FAM13A: variants seen among roughly 807,000 people sequenced by gnomAD.
The protein encoded by FAM13A is family with sequence similarity 13 member A.
Under a neutral mutation model 129.6 loss-of-function variants are expected in FAM13A, and 76 were observed. The ratio of observed to expected loss-of-function variants is 0.59; its 90% CI spans 0.49 to 0.71. The LOEUF (loss-of-function observed/expected upper bound fraction) is 0.71, where lower values mean the gene tolerates loss of function less well. Among genes scored for constraint, FAM13A ranks in the 30% least tolerant of loss-of-function variants. FAM13A has a pLI of 0.00. For synonymous variants in FAM13A, 443 were observed against 449.9 expected (o/e 0.98, Z 0.20); for missense variants, 1,108 against 1,249.3 (o/e 0.89, Z 1.70).
At position 89,057,058 on chromosome 4, in the gene FAM13A, T is replaced by C. The variant is rs1273887778; in HGVS notation, c.-94A>G. 1 of 1,579,136 alleles carries C rather than the reference T, an allele frequency of 6.3e-7. No homozygotes were observed. Among genetic ancestry groups the C allele is most frequent in the Non-Finnish European group, 8.6e-7 (1 of 1,165,902 alleles). ...AAAATTCCATTCAGCACATATTCTT[T>C]GATGTGAAAAACAGCTCCCAATGCA... On this transcript the variant is annotated 5_prime_UTR_variant, in exon 1 of 24. Transcript: ENST00000264344.
intron 6 of FAM13A, among the ~76,000 whole-genome samples, chr4:88,880,508 G>A (rs1473037618): frequency 6.6e-6 from 1 of 151,740 alleles, no homozygotes; most frequent in Non-Finnish European, 1.5e-5. Context: ...CAAAGGAACT[G>A]GGAAAAAAAA....
At chr4:88,947,268 G>A (rs749875896) in intron 4 of FAM13A, among the ~76,000 whole-genome samples, 8 of 152,022 alleles carry the variant, frequency 5.3e-5, no homozygotes, top group Non-Finnish European at 1.0e-4. Context: ...AAACTTAGTC[G>A]GGCGTGGTAG....
At chr4:88,851,812 G>A (rs1000094686) in intron 6 of FAM13A, among the ~76,000 whole-genome samples, 1 of 152,108 alleles carries the variant, frequency 6.6e-6, no homozygotes, top group Non-Finnish European at 1.5e-5. Context: ...AATCCCGGGG[G>A]TACTGACTTC....
intron 6 of FAM13A, among the ~76,000 whole-genome samples, chr4:88,855,065 T>A (rs1379275352): frequency 1.3e-5 from 2 of 152,054 alleles, no homozygotes; most frequent in African/African-American, 4.8e-5. Context: ...TTCCGAGGAG[T>A]AAGTGGCAGA....
intron 8 of FAM13A, among the ~76,000 whole-genome samples, chr4:88,803,323 CT>C (rs1056380361): frequency 2.6e-5 from 4 of 152,136 alleles, no homozygotes; most frequent in African/African-American, 9.7e-5. Flanking sequence ...CTTTTTCCCC[CT>C]AATTTTATCA....
intron 14 of FAM13A, among the ~76,000 whole-genome samples, chr4:88,756,812 G>A (rs2149497620): frequency 6.6e-6 from 1 of 151,688 alleles, no homozygotes; most frequent in African/African-American, 2.4e-5. Context: ...ATGTAACTTG[G>A]AAAGTTACAA....
intron 4 of FAM13A, among the ~76,000 whole-genome samples, chr4:88,964,908 G>T (rs907929788): frequency 6.6e-6 from 1 of 152,036 alleles, no homozygotes; most frequent in Non-Finnish European, 1.5e-5. Flanking sequence ...GATTACAGGC[G>T]TGAGATACCG....
chr4:88,967,938 G>C (rs1229420308), intron 4 of FAM13A, among the ~76,000 whole-genome samples: 1 of 152,180 alleles, frequency 6.6e-6, no homozygotes, highest in Non-Finnish European at 1.5e-5. Flanking sequence ...CTGGCTGAGT[G>C]AGACAGGCTG....
In FAM13A at chr4:88,727,622, C is replaced by T. The variant is rs2149370740; in HGVS notation, c.*911G>A. ...CTCTCCCCGATCCTCTGTATGCAGG[C>T]TGACTTAAGCCCCTTTATGTTTGGC... On this transcript the variant is annotated 3_prime_UTR_variant, in exon 24 of 24. Coordinates refer to ENST00000264344, the MANE Select transcript of FAM13A (RefSeq NM_014883.4). 6.6e-6 allele frequency: 1 copy of T among 152,498 alleles called. No individual in the cohort carries two copies. The highest frequency in any genetic ancestry group is 1.9e-4 in the East Asian group (1 of 5,178). 9.4% of individuals were successfully genotyped at this position (152,498 alleles called of 1,614,324 possible).
chr4:88,728,555 T>C lies in FAM13A; in HGVS notation c.3050A>G (p.Asp1017Gly). 1 of 1,614,192 alleles carries C rather than the reference T, an allele frequency of 6.2e-7. No homozygotes were observed. The change falls in exon 24 of 24, where the codon GAC becomes GGC. Residue 1017 changes from aspartate to glycine, a missense_variant. Transcript: ENST00000264344. The part of the protein sequence containing the change: ...RLLEVLISKR[D>G]TDSKSM ...CCCTCACATGGACTTGGAATCAGTGTCTCTCTTGCTGATGAGCACCTCCAG... is the reference window on the plus strand; with the variant it reads ...CCCTCACATGGACTTGGAATCAGTGCCTCTCTTGCTGATGAGCACCTCCAG...
chr4:88,921,851 G>A (rs535274868), intron 5 of FAM13A, among the ~76,000 whole-genome samples: 8 of 152,196 alleles, frequency 5.3e-5, no homozygotes, highest in Admixed American at 3.9e-4. Flanking sequence ...AAAGGATGGA[G>A]GAAGATCTAT....
chr4:88,880,404 T>C (rs1039707117), intron 6 of FAM13A, among the ~76,000 whole-genome samples: 1 of 151,460 alleles, frequency 6.6e-6, no homozygotes, highest in Non-Finnish European at 1.5e-5. Flanking sequence ...AATATCAGAG[T>C]AGAGGAAGCA....
intron 7 of FAM13A, chr4:88,823,086 T>C: frequency 1.9e-6 from 3 of 1,596,746 alleles, no homozygotes; most frequent in Non-Finnish European, 2.6e-6. Context: ...AACGTCTTCT[T>C]ACAGTGGCTA....
At chr4:88,760,603 CAAAAAAAAA>C (rs745711965) in intron 13 of FAM13A, among the ~76,000 whole-genome samples, 2 of 65,820 alleles carry the variant, frequency 3.0e-5, no homozygotes, top group African/African-American at 2.0e-4. Flanking sequence ...GACTCCGTCT[CAAAAAAAAA>C]AAAAAAAAAA....
Position 88,732,050 on chromosome 4 carries a change from G to A in FAM13A, c.2795C>T (p.Ser932Leu). The A allele has an allele frequency of 6.2e-7, 1 of 1,613,888 alleles. No individual in the cohort carries two copies. The highest frequency in any genetic ancestry group is 1.3e-5 in the African/African-American group (1 of 75,036). ...FISPMDDKIP[S>L]KCSQDTGLSN... ...AAGCCCTGTGTCCTGGCTGCATTTT[G>A]ATGGTATTTTATCATCCATTGGGGA... The change falls in exon 22 of 24, where the codon TCA (serine) becomes TTA (leucine). Residue 932 changes from serine (S) to leucine (L), a missense_variant. Transcript: ENST00000264344.
chr4:88,786,479 T>C (rs1429743754), intron 10 of FAM13A, among the ~76,000 whole-genome samples: 2 of 152,238 alleles, frequency 1.3e-5, no homozygotes. Flanking sequence ...TATAAACATG[T>C]CAGTAGCTAA....
intron 4 of FAM13A, among the ~76,000 whole-genome samples, chr4:88,941,617 T>C (rs1165266390): frequency 6.6e-6 from 1 of 152,220 alleles, no homozygotes; most frequent in Non-Finnish European, 1.5e-5. Flanking sequence ...TGAAGGTTAC[T>C]GATGTCTCTG....
chr4:88,928,727 T>C (rs915040237), intron 5 of FAM13A, among the ~76,000 whole-genome samples: 1 of 152,082 alleles, frequency 6.6e-6, no homozygotes, highest in African/African-American at 2.4e-5. Flanking sequence ...GAGCATATAG[T>C]TGGATCATGC....
intron 8 of FAM13A, among the ~76,000 whole-genome samples, chr4:88,802,661 G>A (rs1727722962): frequency 6.6e-6 from 1 of 152,020 alleles, no homozygotes; most frequent in East Asian, 1.9e-4. Flanking sequence ...TGACTGAAAC[G>A]GCCTCTCTGG....
Sources: allele counts gnomAD v4.1 joint callset (sites outside exome capture counted in the v4.1 genomes callset), GRCh38; gene constraint gnomAD v4.1.1; transcripts MANE v1.5; gene names NCBI Gene and HGNC (gene_info 2026-07-23, HGNC 2026-07-21).